HMOX1: variants seen among roughly 807,000 people sequenced by gnomAD.
HMOX1 encodes heme oxygenase 1.
In HMOX1, 22 loss-of-function variants were observed where a neutral mutation model predicts 27.8. The observed-to-expected ratio is 0.79, with a 90% confidence interval of 0.57 to 1.13. The LOEUF is 1.13. HMOX1 is among the 50% of genes most tolerant of loss of function. The pLI is 0.00. For synonymous variants in HMOX1, 153 were observed against 151.6 expected, an observed-to-expected ratio of 1.01 and a Z score of -0.07; for missense variants, 379 against 377.7, an observed-to-expected ratio of 1.00 and a Z score of -0.03.
Position 35,393,898 on chromosome 22 carries a change from T to C in HMOX1, c.*300T>C, listed in dbSNP as rs1931793476. The C allele has an allele frequency of 2.5e-6, 1 of 405,528 alleles. No individual in the cohort carries two copies. Among genetic ancestry groups the C allele is most frequent in the African/African-American group, 2.0e-5 (1 of 48,854 alleles). The allele number at this position is 405,528 out of a possible 1,614,324, so 25.1% of individuals were successfully genotyped here. A position where few individuals can be genotyped will look rare whatever the true frequency, so the allele number is the denominator to read the frequency against. ...AAGACACCCTAATGTGGCAGCTGTCTCAAACCTCCAAAAGCCCTGAGTTTC... is the reference window on the plus strand; with the variant it reads ...AAGACACCCTAATGTGGCAGCTGTCCCAAACCTCCAAAAGCCCTGAGTTTC... On this transcript the variant is annotated 3_prime_UTR_variant, in exon 5 of 5. Transcript: ENST00000216117.
chr22:35,391,585 C>CATTTTTTTTTTTTT lies in HMOX1; in HGVS notation c.736+1622_736+1623insATTTTTTTTTTTTT, dbSNP rs372077518. On this transcript the variant is annotated intron_variant, in intron 4 of 4. Coordinates refer to ENST00000216117, the MANE Select transcript of HMOX1 (RefSeq NM_002133.3). Reference sequence around the variant, plus strand: ...TACAGGTGTGAGCCACCGCGCCCGGCCTTTTTTTTTTTTTTTTTTTTTTTT... The same window carrying CATTTTTTTTTTTTT: ...TACAGGTGTGAGCCACCGCGCCCGGCATTTTTTTTTTTTTCTTTTTTTTTTTTTTTTTTTTTTTT... 1.8e-5 allele frequency among the ~76,000 whole-genome samples: 2 copies of CATTTTTTTTTTTTT among 112,464 alleles called. 1 individual carries two copies. The highest frequency in any genetic ancestry group is 3.4e-5 in the Non-Finnish European group (2 of 59,240). The allele number at this position is 112,464 out of a possible 152,430, so 73.8% of individuals were successfully genotyped here.
chr22:35,389,237 C>CTTTCTTTTTCTTTT (rs1305198764), intron 3 of HMOX1, among the ~76,000 whole-genome samples: 1 of 116,176 alleles, frequency 8.6e-6, no homozygotes, highest in African/African-American at 4.3e-5. Flanking sequence ...TTCTTTCTTT[C>CTTTCTTTTTCTTTT]TTTTTCTTTC....
chr22:35,387,389 C>T (rs2145767510), intron 3 of HMOX1, among the ~76,000 whole-genome samples: 1 of 152,316 alleles, frequency 6.6e-6, no homozygotes, highest in South Asian at 2.1e-4. Context: ...AATAATGGTA[C>T]CTATATCTTA....
intron 4 of HMOX1, among the ~76,000 whole-genome samples, chr22:35,390,967 A>C (rs962660615): frequency 2.0e-5 from 3 of 152,142 alleles, no homozygotes. Context: ...TAAAACACTG[A>C]GGGAGGGAGT....
chr22:35,387,689 G>A (rs1047586681), intron 3 of HMOX1, among the ~76,000 whole-genome samples: 5 of 152,226 alleles, frequency 3.3e-5, no homozygotes, highest in Admixed American at 6.5e-5. Context: ...TGGGGTTTGC[G>A]CAAAGCCTGG....
chr22:35,389,275 CTCTCTCTCTCT>C (rs1444809190), intron 3 of HMOX1, among the ~76,000 whole-genome samples: 1 of 91,276 alleles, frequency 1.1e-5, no homozygotes, highest in Non-Finnish European at 1.9e-5. Context: ...TCTCTCTCTC[CTCTCTCTCTCT>C]CTCTTCTTTC....
intron 3 of HMOX1, 28 bp downstream of exon 3, chr22:35,387,204 T>G (rs1019654469): frequency 1.2e-6 from 2 of 1,612,566 alleles, no homozygotes; most frequent in African/African-American, 2.7e-5. Context: ...TGGGGCAGCC[T>G]CTGCCTCCCC....
At chr22:35,388,690 A>G (rs928683019) in intron 3 of HMOX1, among the ~76,000 whole-genome samples, 4 of 151,382 alleles carry the variant, frequency 2.6e-5, no homozygotes, top group African/African-American at 7.3e-5. Context: ...CCAGCTACTC[A>G]GGAGGCTGAG....
chr22:35,387,325 G>C (rs920391757), intron 3 of HMOX1, 149 bp downstream of exon 3: 1 of 873,110 alleles, frequency 1.1e-6, no homozygotes, highest in Admixed American at 2.0e-5. Flanking sequence ...GGTGATCTTG[G>C]GCAAATGCCT....
At chr22:35,393,418 C>T (rs760278583) in intron 4 of HMOX1, 50 bp from the exon 5 acceptor site, 5 of 1,612,418 alleles carry the variant, frequency 3.1e-6, no homozygotes, top group South Asian at 2.2e-5. Context: ...ACATCAGACA[C>T]CCTGATGCAC....
At position 35,386,865 on chromosome 22, in the gene HMOX1, C is replaced by T. The variant is rs775386710; in HGVS notation, c.325C>T (p.Pro109Ser). Residue 109 changes from proline to serine, a missense_variant, in exon 3 of 5, where the codon CCA becomes TCA. By Grantham distance (74) the Pro-to-Ser change is moderately conservative. Coordinates refer to ENST00000216117, the MANE Select transcript of HMOX1 (RefSeq NM_002133.3). ...CTGGCAGGAGGTCATCCCCTACACA[C>T]CAGCCATGCAGCGCTATGTGAAGCG... is the stretch of plus-strand genomic sequence containing the variant. ...PRWQEVIPYT[P>S]AMQRYVKRLH... is the part of the protein sequence containing the mutation. 3 of 1,614,192 alleles carry T rather than the reference C, an allele frequency of 1.9e-6. No individual in the cohort carries two copies. The highest frequency in any genetic ancestry group is 4.5e-5 in the East Asian group (2 of 44,890).
chr22:35,386,764 C>G lies in HMOX1; in HGVS notation c.224C>G (p.Ala75Gly). 1 of 1,614,242 alleles carries G rather than the reference C, an allele frequency of 6.2e-7. No individual in the cohort carries two copies. The highest frequency in any genetic ancestry group is 1.3e-5 in the African/African-American group (1 of 75,064). Reference sequence around the variant, plus strand: ...CGCAACAAGGAGAGCCCAGTCTTCGCCCCTGTCTACTTCCCAGAAGAGCTG... The same window carrying G: ...CGCAACAAGGAGAGCCCAGTCTTCGGCCCTGTCTACTTCCCAGAAGAGCTG... ...IERNKESPVF[A>G]PVYFPEELHR... Residue 75 changes from alanine to glycine, a missense_variant, in exon 3 of 5, where the codon GCC (alanine) becomes GGC (glycine). Ala to Gly is a moderately conservative substitution (Grantham distance 60). Coordinates refer to ENST00000216117, the MANE Select transcript of HMOX1 (RefSeq NM_002133.3).
intron 3 of HMOX1, among the ~76,000 whole-genome samples, chr22:35,389,341 C>CCCCT (rs1555901584): frequency 1.6e-5 from 1 of 62,538 alleles, no homozygotes; most frequent in East Asian, 4.5e-4. Flanking sequence ...TTTCTTTCTT[C>CCCCT]TCCTTCCTTC....
chr22:35,388,408 T>C (rs986954308), intron 3 of HMOX1, among the ~76,000 whole-genome samples: 3 of 151,796 alleles, frequency 2.0e-5, no homozygotes, highest in Non-Finnish European at 4.4e-5. Flanking sequence ...GCCATGATTA[T>C]GCTACTGCAC....
At chr22:35,388,751 C>T (rs577454011) in intron 3 of HMOX1, among the ~76,000 whole-genome samples, 17 of 150,424 alleles carry the variant, frequency 1.1e-4, no homozygotes, top group African/African-American at 3.4e-4. Flanking sequence ...GAGCAGAGAT[C>T]GCGCCACTGC....
chr22:35,381,268 C>A, intron 1 of HMOX1, 72 bp downstream of exon 1: 1 of 1,495,124 alleles, frequency 6.7e-7, no homozygotes, highest in East Asian at 2.5e-5. Context: ...AGCCCCACCC[C>A]GGGACACTGC....
chr22:35,390,473 C>T (rs1931687633), intron 4 of HMOX1, among the ~76,000 whole-genome samples: 1 of 152,090 alleles, frequency 6.6e-6, no homozygotes, highest in African/African-American at 2.4e-5. Flanking sequence ...AGGTGATCCG[C>T]CCACCTTGGC....
chr22:35,389,874 A>C lies in HMOX1; in HGVS notation c.647A>C (p.Glu216Ala). The change falls in exon 4 of 5, where the codon GAG (glutamate) becomes GCG (alanine). Residue 216 changes from glutamate (E) to alanine (A), a missense_variant. Physicochemically the swap from Glu to Ala is moderately radical, Grantham distance 107 (BLOSUM62 -1). Transcript: ENST00000216117. Reference protein sequence around the residue: ...AFLLNIQLFEELQELLTHDTK... With the variant: ...AFLLNIQLFEALQELLTHDTK... ...TCTTTTGTCTTTTAGCTCTTTGAGG[A>C]GTTGCAGGAGCTGCTGACCCATGAC... 1 of 1,608,440 alleles carries C rather than the reference A, an allele frequency of 6.2e-7. No homozygotes were observed. Among genetic ancestry groups the C allele is most frequent in the Non-Finnish European group, 8.5e-7 (1 of 1,178,056 alleles).
At chr22:35,388,005 T>C (rs1931550986) in intron 3 of HMOX1, among the ~76,000 whole-genome samples, 1 of 152,198 alleles carries the variant, frequency 6.6e-6, no homozygotes, top group South Asian at 2.1e-4. Context: ...GGCTCGCGCC[T>C]GTAATCCCAG....
Sources: gnomAD v4.1 joint callset for allele counts (sites outside exome capture counted in the v4.1 genomes callset) on GRCh38, gnomAD v4.1.1 for gene constraint, MANE v1.5 for transcripts, NCBI Gene and HGNC (gene_info 2026-07-23, HGNC 2026-07-21) for gene names.